Variants in PDE1C observed in about 807,000 individuals in gnomAD.
PDE1C encodes the protein dual specificity calcium/calmodulin-dependent 3',5'-cyclic nucleotide phosphodiesterase 1C.
Under a neutral mutation model 93.1 loss-of-function variants are expected in PDE1C, and 62 were observed. The ratio of observed to expected loss-of-function variants is 0.67; its 90% CI spans 0.54 to 0.82. The LOEUF (loss-of-function observed/expected upper bound fraction) is 0.82. PDE1C is among the 40% of genes least tolerant of loss of function. The probability of loss-of-function intolerance (pLI) is 0.00; values close to 1 mark genes in which losing one functional copy is unlikely to be tolerated. For missense variants in PDE1C, 742 were observed against 884.6 expected (o/e 0.84, Z 2.04); for synonymous variants, 325 against 310.1 (o/e 1.05, Z -0.50).
intron 1 of PDE1C, among the ~76,000 whole-genome samples, chr7:32,310,447 A>G (rs1395621210): frequency 6.6e-6 from 1 of 152,238 alleles, no homozygotes; most frequent in African/African-American, 2.4e-5. Context: ...AACAGAATAT[A>G]CATTTTTTTC....
the PDE1C span, among the ~76,000 whole-genome samples, chr7:31,681,802 C>G: frequency 2.0e-5 from 3 of 152,198 alleles, no homozygotes; most frequent in African/African-American, 7.2e-5. Context: ...ATTTGATCCA[C>G]AGCAGATGTT....
intron 1 of PDE1C, among the ~76,000 whole-genome samples, chr7:32,221,301 T>A (rs1806841806): frequency 1.3e-5 from 2 of 152,152 alleles, no homozygotes; most frequent in East Asian, 1.9e-4. Context: ...TCAGGCTGAG[T>A]CAAATTTCCA....
chr7:31,658,341 A>AT, the PDE1C span: 26 of 1,523,404 alleles, frequency 1.7e-5, no homozygotes, highest in South Asian at 2.7e-4. Flanking sequence ...CTAAAGATGA[A>AT]AAAATAAAAT....
At chr7:32,081,348 C>T (rs1445016538) in intron 3 of PDE1C, among the ~76,000 whole-genome samples, 1 of 152,202 alleles carries the variant, frequency 6.6e-6, no homozygotes, top group East Asian at 1.9e-4. Context: ...ATCAATGAGT[C>T]TCTTTTTAAG....
intron 1 of PDE1C, among the ~76,000 whole-genome samples, chr7:32,382,819 T>C (rs1455279804): frequency 1.3e-5 from 2 of 152,206 alleles, no homozygotes; most frequent in Non-Finnish European, 2.9e-5. Context: ...TGGGAACCAG[T>C]CCACGCGACT....
the PDE1C span, among the ~76,000 whole-genome samples, chr7:31,634,778 T>G: frequency 6.6e-6 from 1 of 152,286 alleles, no homozygotes; most frequent in African/African-American, 2.4e-5. Flanking sequence ...AATAGAATGC[T>G]TAGGTGATAA....
chr7:32,157,478 A>G (rs866944382), intron 3 of PDE1C, among the ~76,000 whole-genome samples: 1 of 152,180 alleles, frequency 6.6e-6, no homozygotes, highest in African/African-American at 2.4e-5. Flanking sequence ...AAATACAAAA[A>G]AAATAAAATA....
chr7:31,974,647 G>T (rs920416940), intron 2 of PDE1C, among the ~76,000 whole-genome samples: 1 of 149,830 alleles, frequency 6.7e-6, no homozygotes, highest in Non-Finnish European at 1.5e-5. Flanking sequence ...GGGAGGGAGG[G>T]CTAGCCAAGC....
At chr7:31,697,297 C>T in the PDE1C span, among the ~76,000 whole-genome samples, 4 of 152,158 alleles carry the variant, frequency 2.6e-5, no homozygotes, top group Admixed American at 2.6e-4. Flanking sequence ...CTAGTAGCTC[C>T]CCAGGGGCTG....
intron 15 of PDE1C, among the ~76,000 whole-genome samples, chr7:31,812,061 G>T (rs1787621501): frequency 6.6e-6 from 1 of 152,090 alleles, no homozygotes; most frequent in African/African-American, 2.4e-5. Context: ...TAAACAAGGG[G>T]AAGTGAAAGA....
At chr7:32,028,629 A>C (rs571716741) in intron 2 of PDE1C, among the ~76,000 whole-genome samples, 13 of 152,170 alleles carry the variant, frequency 8.5e-5, no homozygotes, top group Non-Finnish European at 1.8e-4. Flanking sequence ...ATAATTTATG[A>C]AAACAATGTG....
chr7:31,685,275 G>C, the PDE1C span, among the ~76,000 whole-genome samples: 16 of 152,314 alleles, frequency 1.1e-4, no homozygotes, highest in East Asian at 9.6e-4. Flanking sequence ...AGGAACGGAG[G>C]GGGGCATGGC....
intron 3 of PDE1C, among the ~76,000 whole-genome samples, chr7:32,107,756 C>A (rs994595556): frequency 5.9e-5 from 9 of 151,988 alleles, no homozygotes; most frequent in African/African-American, 1.9e-4. Flanking sequence ...GAGATAAAAT[C>A]TTTTTTCTTA....
chr7:31,687,952 A>G, the PDE1C span, among the ~76,000 whole-genome samples: 1 of 152,296 alleles, frequency 6.6e-6, no homozygotes, highest in Non-Finnish European at 1.5e-5. Context: ...AATCAGTTCT[A>G]TTATGTTCCC....
At chr7:32,139,300 CTTTTTTTTTTTTTT>C (rs34277412) in intron 3 of PDE1C, among the ~76,000 whole-genome samples, 1 of 82,922 alleles carries the variant, frequency 1.2e-5, no homozygotes, top group Non-Finnish European at 2.2e-5. Context: ...CAAAATCAAC[CTTTTTTTTTTTTTT>C]TTTTTTTTTT....
At chr7:31,670,364 A>G in the PDE1C span, among the ~76,000 whole-genome samples, 1 of 152,112 alleles carries the variant, frequency 6.6e-6, no homozygotes, top group African/African-American at 2.4e-5. Context: ...ACTGCACCAC[A>G]TGTTCATTTC....
chr7:31,903,656 T>A (rs542681003), intron 2 of PDE1C, among the ~76,000 whole-genome samples: 1 of 152,028 alleles, frequency 6.6e-6, no homozygotes, highest in Non-Finnish European at 1.5e-5. Flanking sequence ...AAATTAAATA[T>A]CAGGATAGTC....
intron 3 of PDE1C, among the ~76,000 whole-genome samples, chr7:32,127,059 C>T (rs1799625759): frequency 6.6e-6 from 1 of 152,090 alleles, no homozygotes; most frequent in South Asian, 2.1e-4. Context: ...TGAGGGCCTG[C>T]ACAGAACAAA....
chr7:32,338,652 A>G (rs1420157370), intron 1 of PDE1C, among the ~76,000 whole-genome samples: 1 of 152,144 alleles, frequency 6.6e-6, no homozygotes, highest in East Asian at 1.9e-4. Flanking sequence ...AAATAATTGA[A>G]CACAGCGTCT....
Sources: gnomAD v4.1 joint callset for allele counts (sites outside exome capture counted in the v4.1 genomes callset) on GRCh38, gnomAD v4.1.1 for gene constraint, MANE v1.5 for transcripts, NCBI Gene and HGNC (gene_info 2026-07-23, HGNC 2026-07-21) for gene names.